DCAF17: variants seen among roughly 807,000 people sequenced by gnomAD.
DCAF17 encodes DDB1- and CUL4-associated factor 17.
In DCAF17, 48 loss-of-function variants were observed where a neutral mutation model predicts 66.0. The ratio of observed to expected loss-of-function variants is 0.73; its 90% CI spans 0.58 to 0.92. DCAF17 has a LOEUF of 0.92. DCAF17 is among the 40% of genes least tolerant of loss of function. The probability of loss-of-function intolerance (pLI) is 0.00; values close to 1 mark genes in which losing one functional copy is unlikely to be tolerated. For synonymous variants in DCAF17, 206 were observed against 214.6 expected, an observed-to-expected ratio of 0.96 and a Z score of 0.35; for missense variants, 562 against 622.8, an observed-to-expected ratio of 0.90 and a Z score of 1.04.
rs1169437952 is a variant in DCAF17 at position 171,481,280 on chromosome 2, A to C, written c.*166A>C. 1.2e-6 allele frequency: 1 copy of C among 857,764 alleles called. No homozygotes were observed. Among genetic ancestry groups the C allele is most frequent in the Non-Finnish European group, 1.9e-6 (1 of 525,020 alleles). 53.1% of individuals were successfully genotyped at this position (857,764 alleles called of 1,614,324 possible). ...CTTTTTTAAACTCTTGCTGTAAAAG[A>C]TGGTGAGGACTTCATTTTTTTTAAA... On this transcript the variant is annotated 3_prime_UTR_variant, in exon 14 of 14. Coordinates refer to ENST00000375255, the MANE Select transcript of DCAF17 (RefSeq NM_025000.4).
chr2:171,450,407 A>T (rs1314444244), intron 5 of DCAF17, among the ~76,000 whole-genome samples: 1 of 152,150 alleles, frequency 6.6e-6, no homozygotes, highest in Non-Finnish European at 1.5e-5. Flanking sequence ...AAAATATTTT[A>T]AAAAAGAAAA....
At chr2:171,459,450 A>G (rs984172925) in intron 8 of DCAF17, among the ~76,000 whole-genome samples, 2 of 152,254 alleles carry the variant, frequency 1.3e-5, no homozygotes, top group African/African-American at 4.8e-5. Flanking sequence ...TATAAAGATC[A>G]CATGAGTAAA....
chr2:171,481,006 C>A lies in DCAF17; in HGVS notation c.1455C>A (p.Asp485Glu), dbSNP rs1387898294. 1 of 1,613,742 alleles carries A rather than the reference C, an allele frequency of 6.2e-7. No individual in the cohort carries two copies. ...GCCATGAAGTCTACTTTGACAGAGA[C>A]TTGGTGCTACACATAGAGCAGAAAC... Reference protein sequence around the residue: ...TYSHEVYFDRDLVLHIEQKPN... With the variant: ...TYSHEVYFDRELVLHIEQKPN... Residue 485 changes from aspartate (D) to glutamate (E), a missense_variant, in exon 14 of 14, where the codon GAC (aspartate) becomes GAA (glutamate). Asp to Glu is a conservative substitution (Grantham distance 45, BLOSUM62 2). Transcript: ENST00000375255.
intron 9 of DCAF17, among the ~76,000 whole-genome samples, chr2:171,473,250 A>G (rs1253756529): frequency 6.6e-6 from 1 of 152,182 alleles, no homozygotes; most frequent in South Asian, 2.1e-4. Context: ...TGATTATGGC[A>G]GAGTTATATA....
chr2:171,459,268 T>A (rs1290102749), intron 8 of DCAF17, among the ~76,000 whole-genome samples: 3 of 152,042 alleles, frequency 2.0e-5, no homozygotes, highest in African/African-American at 7.2e-5. Flanking sequence ...GCCAAGATCA[T>A]GCCATTGCAC....
intron 8 of DCAF17, 69 bp downstream of exon 8, chr2:171,458,546 T>C (rs1695395120): frequency 9.3e-6 from 11 of 1,179,274 alleles, no homozygotes; most frequent in African/African-American, 1.5e-5. Context: ...TTATTAATTA[T>C]AGTCATCCAA....
intron 3 of DCAF17, among the ~76,000 whole-genome samples, chr2:171,446,973 C>A (rs10445722): frequency 1.3e-5 from 2 of 152,054 alleles, no homozygotes; most frequent in Admixed American, 6.5e-5. Context: ...AATGTATTGT[C>A]TTTACTATCA....
chr2:171,458,378 C>G lies in DCAF17; in HGVS notation c.739C>G (p.Gln247Glu). ...SFQTIAEQFMQQKLDLGCACR... is the reference protein window; with the variant it reads ...SFQTIAEQFMEQKLDLGCACR... ...TGTTTTGTTTTGTTTTTAGTTCATGCAACAGAAACTTGACTTAGGGTGTGC... is the reference window on the plus strand; with the variant it reads ...TGTTTTGTTTTGTTTTTAGTTCATGGAACAGAAACTTGACTTAGGGTGTGC... Residue 247 changes from glutamine (Q) to glutamate (E), a missense_variant, in exon 8 of 14, where the codon CAA becomes GAA. This residue lies in a region of DCAF17 where 348 missense variants were observed against 355.9 expected (regional missense o/e 0.98). Coordinates refer to ENST00000375255, the MANE Select transcript of DCAF17 (RefSeq NM_025000.4). 1 of 1,613,734 alleles carries G rather than the reference C, an allele frequency of 6.2e-7. No individual in the cohort carries two copies. Among genetic ancestry groups the G allele is most frequent in the East Asian group, 2.2e-5 (1 of 44,860 alleles).
intron 8 of DCAF17, among the ~76,000 whole-genome samples, chr2:171,465,659 A>G (rs1353430767): frequency 1.3e-5 from 2 of 151,878 alleles, no homozygotes; most frequent in African/African-American, 4.8e-5. Flanking sequence ...GTTTTTTTGT[A>G]TTCTTAGTAG....
intron 10 of DCAF17, chr2:171,474,391 G>C (rs1696399669): frequency 5.0e-6 from 1 of 200,758 alleles, no homozygotes; most frequent in South Asian, 8.8e-5. Flanking sequence ...CCCACAAACT[G>C]ACCTCTCCTT....
At chr2:171,477,131 A>C (rs1696534331) in intron 11 of DCAF17, among the ~76,000 whole-genome samples, 181 bp downstream of exon 11, 1 of 152,198 alleles carries the variant, frequency 6.6e-6, no homozygotes, top group Non-Finnish European at 1.5e-5. Flanking sequence ...GATTTAAAGA[A>C]AGTTGACTAT....
chr2:171,443,889 G>A (rs1292839203), intron 3 of DCAF17, among the ~76,000 whole-genome samples: 1 of 152,006 alleles, frequency 6.6e-6, no homozygotes, highest in Non-Finnish European at 1.5e-5. Context: ...TATATAAGCA[G>A]CATAAGCTAA....
chr2:171,449,845 CAAAT>C (rs1218507373), intron 4 of DCAF17, 30 bp from the exon 5 acceptor site: 1 of 1,555,388 alleles, frequency 6.4e-7, no homozygotes, highest in East Asian at 2.3e-5. Flanking sequence ...GAAACTGACC[CAAAT>C]AAATAAACTT....
At chr2:171,447,986 A>G (rs1392176458) in intron 3 of DCAF17, among the ~76,000 whole-genome samples, 1 of 152,196 alleles carries the variant, frequency 6.6e-6, no homozygotes, top group East Asian at 1.9e-4. Flanking sequence ...GGCTGTCTTC[A>G]TTGGTTTCTA....
intron 3 of DCAF17, among the ~76,000 whole-genome samples, chr2:171,445,884 T>C (rs993172517): frequency 6.6e-6 from 1 of 151,974 alleles, no homozygotes; most frequent in African/African-American, 2.4e-5. Flanking sequence ...GGTTTTGTCA[T>C]GTTGCCTAGG....
chr2:171,458,029 G>A lies in DCAF17; in HGVS notation c.686G>A (p.Ser229Asn), dbSNP rs1346220821. 2 of 1,614,094 alleles carry A rather than the reference G, an allele frequency of 1.2e-6. No homozygotes were observed. The highest frequency in any genetic ancestry group is 4.5e-5 in the East Asian group (2 of 44,884). ...CATGGAATACTGATTGTGATGTACA[G>A]CTCAGGACTGGTCAGACTCTATAGC... ...LSHGILIVMY[S>N]SGLVRLYSFQ... The change falls in exon 7 of 14, where the codon AGC (serine) becomes AAC (asparagine). Residue 229 changes from serine to asparagine, a missense_variant. By Grantham distance (46) the Ser-to-Asn change is conservative (BLOSUM62 1). This residue lies in a region of DCAF17 where 348 missense variants were observed against 355.9 expected (regional missense o/e 0.98). Transcript: ENST00000375255.
intron 9 of DCAF17, 149 bp from the exon 10 acceptor site, chr2:171,473,717 C>A (rs1316671402): frequency 1.5e-6 from 1 of 675,082 alleles, no homozygotes; most frequent in African/African-American, 1.8e-5. Flanking sequence ...TGCATGTCCT[C>A]ATTTGGCCCT....
intron 13 of DCAF17, 73 bp from the exon 14 acceptor site, chr2:171,480,901 T>C: frequency 2.5e-6 from 4 of 1,578,588 alleles, no homozygotes. Flanking sequence ...GCATAGGTAC[T>C]GTGACATTTT....
intron 1 of DCAF17, 42 bp from the exon 2 acceptor site, chr2:171,435,041 C>T: frequency 1.4e-6 from 2 of 1,438,568 alleles, no homozygotes; most frequent in Non-Finnish European, 2.0e-6. Context: ...AACTTAAAGC[C>T]TAAGAGTTCT....
Sources: allele counts gnomAD v4.1 joint callset (sites outside exome capture counted in the v4.1 genomes callset), GRCh38; gene constraint gnomAD v4.1.1; regional missense constraint gnomAD v4.1.1; transcripts MANE v1.5; gene names NCBI Gene and HGNC (gene_info 2026-07-23, HGNC 2026-07-21).